The following ITPR2 variants were observed in gnomAD, a reference collection of about 807,000 sequenced individuals.
ITPR2 encodes inositol 1,4,5-trisphosphate-gated calcium channel ITPR2.
ITPR2 carries 207 observed loss-of-function variants against 317.1 expected under a neutral mutation model. The ratio of observed to expected loss-of-function variants is 0.65; its 90% CI spans 0.58 to 0.73. The LOEUF is 0.73. ITPR2 is among the 30% of genes least tolerant of loss of function. ITPR2 has a pLI of 0.00. For missense variants in ITPR2, 2,613 were observed against 3,284.0 expected, an observed-to-expected ratio of 0.80 and a Z score of 4.99; for synonymous variants, 1,156 against 1,149.1, an observed-to-expected ratio of 1.01 and a Z score of -0.12.
intron 3 of ITPR2, 78 bp downstream of exon 3, chr12:26,725,572 C>T (rs1028866123): frequency 1.1e-6 from 1 of 945,048 alleles, no homozygotes; most frequent in African/African-American, 1.6e-5. Context: ...AAGGACAAAG[C>T]TAGAAAGCTC....
rs372623870 is a variant in ITPR2 at position 26,657,750 on chromosome 12, T to C, written c.2149A>G (p.Lys717Glu). 3.1e-6 allele frequency: 5 copies of C among 1,614,060 alleles called. No individual in the cohort carries two copies. In the African/African-American group the frequency reaches 5.3e-5, roughly 17 times the overall value. ...TCTAAGTCAGCTTTGGTGCCTTCTT[T>C]TGCCTCTTGAGCAAGGTGCCTGATA... The part of the protein sequence containing the change: ...KAIRHLAQEA[K>E]EGTKADLEVL... Residue 717 changes from lysine to glutamate, a missense_variant, in exon 18 of 57, where the codon AAA becomes GAA. Physicochemically the swap from Lys to Glu is moderately conservative, Grantham distance 56. Coordinates refer to ENST00000381340, the MANE Select transcript of ITPR2 (RefSeq NM_002223.4).
rs539471564 is a variant in ITPR2, at chr12:26,482,192, C to T, written c.6013-951G>A. Among the ~76,000 whole-genome samples, 3 of 152,182 alleles carry T rather than the reference C, an allele frequency of 2.0e-5. No homozygotes were observed. In the South Asian group the frequency reaches 6.2e-4, roughly 31 times the overall value. ...AGGAAAGGTGTTTTCTACCCATCTC[C>T]TACCTGTCCTGAGGTTCTTCTGCTC... On this transcript the variant is annotated intron_variant, in intron 42 of 56. Coordinates refer to ENST00000381340, the MANE Select transcript of ITPR2 (RefSeq NM_002223.4).
intron 48 of ITPR2, 52 bp from the exon 49 acceptor site, chr12:26,428,140 C>T (rs772643858): frequency 2.1e-6 from 3 of 1,404,476 alleles, no homozygotes; most frequent in Middle Eastern, 1.8e-4. Flanking sequence ...CTAAAAAATG[C>T]TAAAATATTT....
At chr12:26,365,468 C>G (rs1459901942) in intron 55 of ITPR2, among the ~76,000 whole-genome samples, 1 of 152,050 alleles carries the variant, frequency 6.6e-6, no homozygotes, top group African/African-American at 2.4e-5. Context: ...AGTAATAGAT[C>G]AGAATTTTCA....
At chr12:26,730,069 G>A (rs143568675) in intron 2 of ITPR2, among the ~76,000 whole-genome samples, 1 of 152,250 alleles carries the variant, frequency 6.6e-6, no homozygotes, top group African/African-American at 2.4e-5. Context: ...GAAACCTGAA[G>A]ACACACCAAG....
chr12:26,385,304 C>A (rs976219733), intron 55 of ITPR2, among the ~76,000 whole-genome samples: 2 of 152,154 alleles, frequency 1.3e-5, no homozygotes, highest in African/African-American at 4.8e-5. Flanking sequence ...GACCAGCTTG[C>A]CTCCCTAACA....
In ITPR2 at chr12:26,439,220, T is replaced by TGCC. The variant is rs754579943; in HGVS notation, c.6549_6550insGGC (p.Thr2183_Thr2184insGly). The stretch of plus-strand genomic sequence containing the variant: ...TTACTTCCTTGTTCATCCCTTTCAG[T>TGCC]TGTATTGAACACACGGCACTTGGAT... On this transcript the variant is annotated inframe_insertion, in exon 47 of 57. Transcript: ENST00000381340. 3 of 1,612,574 alleles carry TGCC rather than the reference T, an allele frequency of 1.9e-6. No individual in the cohort carries two copies. The highest frequency in any genetic ancestry group is 2.5e-6 in the Non-Finnish European group (3 of 1,178,722).
At chr12:26,492,139 T>G (rs1190790572) in intron 39 of ITPR2, among the ~76,000 whole-genome samples, 1 of 151,896 alleles carries the variant, frequency 6.6e-6, no homozygotes, top group African/African-American at 2.4e-5. Context: ...GAGGGTGGTA[T>G]CCCAAGACCC....
intron 8 of ITPR2, among the ~76,000 whole-genome samples, chr12:26,712,630 C>A (rs1222436789): frequency 9.2e-6 from 1 of 108,438 alleles, no homozygotes; most frequent in East Asian, 2.1e-4. Context: ...ATGTTTGTCT[C>A]AAATACACAC....
chr12:26,603,709 T>C (rs1272247022), intron 26 of ITPR2, among the ~76,000 whole-genome samples: 3 of 152,192 alleles, frequency 2.0e-5, no homozygotes, highest in South Asian at 2.1e-4. Context: ...TCTAGAACGA[T>C]GAAAACTGTC....
chr12:26,620,772 A>G (rs1483502630), intron 26 of ITPR2, among the ~76,000 whole-genome samples: 2 of 152,200 alleles, frequency 1.3e-5, no homozygotes, highest in African/African-American at 4.8e-5. Flanking sequence ...GGCCACAGCA[A>G]AAGGGTCCAC....
Position 26,715,602 on chromosome 12 carries a change from G to A in ITPR2, c.708+150C>T, listed in dbSNP as rs1182771247. 9.9e-6 allele frequency: 8 copies of A among 809,404 alleles called. No homozygotes were observed. The East Asian group carries it at 1.1e-4, about 11-fold the overall frequency. The allele number at this position is 809,404 out of a possible 1,614,324, so 50.1% of individuals were successfully genotyped here. A position where few individuals can be genotyped will look rare whatever the true frequency, so the allele number is the denominator to read the frequency against. Reference sequence around the variant, plus strand: ...TTTAAACATTTAAAAATGTGGGGGGGAAATTCAGTAAAACACTTAGAGTAA... The same window carrying A: ...TTTAAACATTTAAAAATGTGGGGGGAAAATTCAGTAAAACACTTAGAGTAA... On this transcript the variant is annotated intron_variant, in intron 7 of 56. Transcript: ENST00000381340.
intron 9 of ITPR2, among the ~76,000 whole-genome samples, chr12:26,706,208 T>G (rs1948547774): frequency 6.6e-6 from 1 of 152,324 alleles, no homozygotes; most frequent in Admixed American, 6.5e-5. Context: ...GACTTTTTAA[T>G]TTTATTTTGA....
chr12:26,659,184 T>C lies in ITPR2; in HGVS notation c.1815A>G (p.Leu605=), dbSNP rs747184577. 6.2e-7 allele frequency: 1 copy of C among 1,613,442 alleles called. No individual in the cohort carries two copies. Among genetic ancestry groups the C allele is most frequent in the Non-Finnish European group, 8.5e-7 (1 of 1,179,480 alleles). The change falls in exon 16 of 57, where the codon CTA becomes CTG. Residue 605 remains leucine (L), a synonymous_variant. Coordinates refer to ENST00000381340, the MANE Select transcript of ITPR2 (RefSeq NM_002223.4). The part of the protein sequence containing the change: ...ITALLHNNRK[L]LEKHITAKEI... The stretch of plus-strand genomic sequence containing the variant: ...CTTTTGCTGTGATATGTTTCTCTAG[T>C]AGTTTTCTGTTGTTGTGCAACAAAG...
intron 55 of ITPR2, among the ~76,000 whole-genome samples, chr12:26,341,120 A>C (rs951582242): frequency 1.3e-5 from 2 of 152,152 alleles, no homozygotes; most frequent in Admixed American, 6.5e-5. Context: ...ATCCTCCCCA[A>C]AGCTCTGCAA....
At chr12:26,784,280 TCTC>T (rs1455345911) in intron 2 of ITPR2, among the ~76,000 whole-genome samples, 2 of 7,538 alleles carry the variant, frequency 2.7e-4, no homozygotes, top group Admixed American at 8.3e-4. Context: ...TCCCTCTCCC[TCTC>T]CCTCTCCCTC....
chr12:26,808,491 T>C (rs1005457611), intron 1 of ITPR2, among the ~76,000 whole-genome samples: 4 of 152,212 alleles, frequency 2.6e-5, no homozygotes, highest in South Asian at 2.1e-4. Context: ...AACCACGCAC[T>C]GTTCTAGGCA....
chr12:26,638,180 C>T (rs187158084), intron 21 of ITPR2, among the ~76,000 whole-genome samples: 1 of 152,290 alleles, frequency 6.6e-6, no homozygotes, highest in African/African-American at 2.4e-5. Context: ...TTTTGGATTT[C>T]ATCACTGTCA....
intron 52 of ITPR2, among the ~76,000 whole-genome samples, chr12:26,401,894 C>T (rs1591992310): frequency 6.6e-6 from 1 of 152,294 alleles, no homozygotes; most frequent in South Asian, 2.1e-4. Flanking sequence ...GAGAGGAGGG[C>T]TGAAGTCAGA....
Sources: allele counts gnomAD v4.1 joint callset (sites outside exome capture counted in the v4.1 genomes callset), GRCh38; gene constraint gnomAD v4.1.1; transcripts MANE v1.5; gene names NCBI Gene and HGNC (gene_info 2026-07-23, HGNC 2026-07-21).